CACNA1C: variants seen among roughly 807,000 people sequenced by gnomAD.
CACNA1C encodes voltage-dependent L-type calcium channel subunit alpha-1C.
A neutral mutation model predicts 229.0 loss-of-function variants in CACNA1C; 30 were observed. The ratio of observed to expected loss-of-function variants is 0.13; its 90% CI spans 0.10 to 0.18. The LOEUF (loss-of-function observed/expected upper bound fraction) is 0.18, where lower values mean the gene tolerates loss of function less well. CACNA1C is among the 10% of genes least tolerant of loss of function. The pLI is 1.00. For missense variants in CACNA1C, 1,658 were observed against 2,845.0 expected (o/e 0.58, Z 9.49); for synonymous variants, 1,114 against 1,132.5 (o/e 0.98, Z 0.33).
chr12:2,233,314 G>C (rs2066032000), intron 3 of CACNA1C, among the ~76,000 whole-genome samples: 1 of 152,200 alleles, frequency 6.6e-6, no homozygotes. Flanking sequence ...TTATGAATCA[G>C]TGTTATCCTT....
rs2097038859 is a variant in CACNA1C at position 2,346,687 on chromosome 12, T to C, written c.478-102289T>C. 6.6e-6 allele frequency among the ~76,000 whole-genome samples: 1 copy of C among 152,058 alleles called. No individual in the cohort carries two copies. The highest frequency in any genetic ancestry group is 1.5e-5 in the Non-Finnish European group (1 of 67,992). On this transcript the variant is annotated intron_variant, in intron 3 of 46. Coordinates refer to ENST00000399655, the MANE Select transcript of CACNA1C (RefSeq NM_000719.7). The surrounding 1 kb of genome is among the most constrained non-coding windows in gnomAD (Gnocchi z 4.4). ...GATGAAGTACAGGCTTTGCCAGGGCTTAGCAGGGGGAATTGGAAGGCCTTA... is the reference window on the plus strand; with the variant it reads ...GATGAAGTACAGGCTTTGCCAGGGCCTAGCAGGGGGAATTGGAAGGCCTTA...
intron 3 of CACNA1C, among the ~76,000 whole-genome samples, chr12:2,429,668 C>A (rs1230491470): frequency 1.3e-5 from 2 of 152,156 alleles, no homozygotes; most frequent in Non-Finnish European, 2.9e-5. Context: ...TTCTTTTTGT[C>A]CAGGAGATGG....
intron 5 of CACNA1C, among the ~76,000 whole-genome samples, chr12:2,471,163 G>A (rs1597335483): frequency 2.6e-5 from 4 of 152,140 alleles, no homozygotes; most frequent in Admixed American, 2.6e-4. Context: ...CTTTATTGAA[G>A]CGTAATTTAT....
At chr12:2,393,367 C>T (rs956614003) in intron 3 of CACNA1C, among the ~76,000 whole-genome samples, 1 of 152,222 alleles carries the variant, frequency 6.6e-6, no homozygotes, top group Non-Finnish European at 1.5e-5. Context: ...CTGGCTGGCC[C>T]TCCACCATCT....
At chr12:2,311,032 T>G (rs889571579) in intron 3 of CACNA1C, among the ~76,000 whole-genome samples, 1 of 152,218 alleles carries the variant, frequency 6.6e-6, no homozygotes, top group Non-Finnish European at 1.5e-5. Context: ...TCCTAGGCTT[T>G]CTTTCACGCT....
intron 30 of CACNA1C, among the ~76,000 whole-genome samples, chr12:2,637,497 C>T (rs2092931682): frequency 6.6e-6 from 1 of 152,244 alleles, no homozygotes; most frequent in South Asian, 2.1e-4. Context: ...AGCCAGCACA[C>T]ACACACTTAC....
At chr12:2,385,500 G>T (rs138527880) in intron 3 of CACNA1C, among the ~76,000 whole-genome samples, 120 of 152,256 alleles carry the variant, frequency 7.9e-4, no homozygotes, top group Middle Eastern at 3.4e-3. Context: ...AGGGCAGCTA[G>T]GACCCGCTGC....
Position 2,401,772 on chromosome 12 carries a change from C to T in CACNA1C, c.478-47204C>T, listed in dbSNP as rs776363062. ...CTTCAAAGCAAGTATTAACTGATTA[C>T]GTGCCTGGCAGCTAGTAAGCACTGA... On this transcript the variant is annotated intron_variant, in intron 3 of 46. Transcript: ENST00000399655. Among the ~76,000 whole-genome samples, 3 of 152,346 alleles carry T rather than the reference C, an allele frequency of 2.0e-5. No homozygotes were observed. In the East Asian group the frequency reaches 5.8e-4, roughly 29 times the overall value.
intron 5 of CACNA1C, among the ~76,000 whole-genome samples, chr12:2,458,588 T>C (rs1042270465): frequency 2.6e-5 from 4 of 152,210 alleles, no homozygotes; most frequent in African/African-American, 9.6e-5. Flanking sequence ...ATTTGGCCCA[T>C]GACTCAAGAC....
chr12:2,537,870 C>G (rs975284182), intron 9 of CACNA1C, among the ~76,000 whole-genome samples: 1 of 151,778 alleles, frequency 6.6e-6, no homozygotes, highest in Non-Finnish European at 1.5e-5. Flanking sequence ...CCCAGGCTGC[C>G]CTGCCATCTC....
intron 26 of CACNA1C, chr12:2,607,803 ATTCTAAATGT>A (rs1486216953): frequency 3.3e-5 from 5 of 152,396 alleles, no homozygotes; most frequent in African/African-American, 1.2e-4. Context: ...AAGTCAGAAA[ATTCTAAATGT>A]TTCTAAGTCA....
At chr12:2,621,453 G>A (rs113631525) in intron 29 of CACNA1C, among the ~76,000 whole-genome samples, 21 of 152,338 alleles carry the variant, frequency 1.4e-4, no homozygotes, top group Admixed American at 4.6e-4. Flanking sequence ...GTGCCAGAGC[G>A]CACAGGCCCT....
intron 3 of CACNA1C, among the ~76,000 whole-genome samples, chr12:2,231,685 C>T (rs1448331406): frequency 6.6e-6 from 1 of 152,100 alleles, no homozygotes; most frequent in Admixed American, 6.5e-5. Context: ...CTGTTGGATA[C>T]ACAGCTTGAA....
chr12:2,687,231 G>A (rs930904642), intron 45 of CACNA1C, among the ~76,000 whole-genome samples: 3 of 152,216 alleles, frequency 2.0e-5, no homozygotes, highest in African/African-American at 7.2e-5. Flanking sequence ...GCAGGAGGTG[G>A]AAGGATGTGG....
In CACNA1C at chr12:2,479,329, T is replaced by C. The variant is rs2283315; in HGVS notation, c.758-6775T>C. 0.66 allele frequency among the ~76,000 whole-genome samples: 99,603 copies of C among 152,042 alleles called. 33,571 individuals are homozygous for C. The highest frequency in any genetic ancestry group is 0.88 in the East Asian group (4,546 of 5,168). ...TCCTGGGCTCAAGTGATCTGCCCACTTCTGCCTCCTGAAGTGCTGGGATTA... is the reference window on the plus strand; with the variant it reads ...TCCTGGGCTCAAGTGATCTGCCCACCTCTGCCTCCTGAAGTGCTGGGATTA... On this transcript the variant is annotated intron_variant, in intron 5 of 46. Coordinates refer to ENST00000399655, the MANE Select transcript of CACNA1C (RefSeq NM_000719.7). The surrounding 1 kb of genome is among the most constrained non-coding windows in gnomAD (Gnocchi z 4.3).
intron 3 of CACNA1C, among the ~76,000 whole-genome samples, chr12:2,190,145 C>T (rs561749439): frequency 1.3e-5 from 2 of 152,184 alleles, no homozygotes; most frequent in African/African-American, 2.4e-5. Context: ...GTGCATGATG[C>T]GTTACCAGGA....
intron 3 of CACNA1C, among the ~76,000 whole-genome samples, chr12:2,183,576 AC>A (rs113414207): frequency 4.3e-4 from 64 of 147,388 alleles, no homozygotes; most frequent in East Asian, 2.2e-3. Context: ...CTGGGGACAG[AC>A]CCCCCCCCGG....
Position 2,630,827 on chromosome 12 carries a change from T to C in CACNA1C, c.3829-3470T>C, listed in dbSNP as rs1042829088. 1.3e-5 allele frequency among the ~76,000 whole-genome samples: 2 copies of C among 151,960 alleles called. No homozygotes were observed. Among genetic ancestry groups the C allele is most frequent in the Non-Finnish European group, 2.9e-5 (2 of 67,986 alleles). On this transcript the variant is annotated intron_variant, in intron 29 of 46. Coordinates refer to ENST00000399655, the MANE Select transcript of CACNA1C (RefSeq NM_000719.7). The surrounding 1 kb of genome is among the most constrained non-coding windows in gnomAD (Gnocchi z 5.4). ...ACAGATGTCAGTCTAAAGCCTGGAG[T>C]AGCACAGCCTGCTGAGGACAAGTGT...
Position 2,653,952 on chromosome 12 carries a change from A to G in CACNA1C, c.4140+52A>G. On this transcript the variant is annotated intron_variant, in intron 33 of 46. Coordinates refer to ENST00000399655, the MANE Select transcript of CACNA1C (RefSeq NM_000719.7). The surrounding 1 kb of genome is among the most constrained non-coding windows in gnomAD (Gnocchi z 4.7). ...CTGGCCTCCCGCTCTGTCTCTCCCC[A>G]GTTCCCAGCACCACATTCCCTAACG... The G allele has an allele frequency of 1.4e-6, 2 of 1,447,512 alleles. No individual in the cohort carries two copies. Among genetic ancestry groups the G allele is most frequent in the South Asian group, 2.3e-5 (2 of 87,316 alleles). The allele number at this position is 1,447,512 out of a possible 1,614,324, so 89.7% of individuals were successfully genotyped here. A position where few individuals can be genotyped will look rare whatever the true frequency, so the allele number is the denominator to read the frequency against.
Sources: allele counts gnomAD v4.1 joint callset (sites outside exome capture counted in the v4.1 genomes callset), GRCh38; gene constraint gnomAD v4.1.1; non-coding constraint Gnocchi (gnomAD v3.1); transcripts MANE v1.5; gene names NCBI Gene and HGNC (gene_info 2026-07-23, HGNC 2026-07-21).